The following MYO16 variants were observed in gnomAD, a reference collection of about 807,000 sequenced individuals.
MYO16 encodes unconventional myosin-XVI.
Under a neutral mutation model 205.3 loss-of-function variants are expected in MYO16, and 94 were observed. That is an observed-to-expected ratio of 0.46 (90% CI 0.39 to 0.54). The LOEUF (loss-of-function observed/expected upper bound fraction) is 0.54, where lower values mean the gene tolerates loss of function less well. Among genes scored for constraint, MYO16 ranks in the 20% least tolerant of loss-of-function variants. The pLI is 0.00. For synonymous variants in MYO16, 988 were observed against 954.0 expected, an observed-to-expected ratio of 1.04 and a Z score of -0.66; for missense variants, 2,315 against 2,387.5, an observed-to-expected ratio of 0.97 and a Z score of 0.63.
chr13:109,033,764 T>C (rs1886620790), intron 23 of MYO16, among the ~76,000 whole-genome samples: 1 of 152,152 alleles, frequency 6.6e-6, no homozygotes, highest in Admixed American at 6.6e-5. Context: ...AAGTTACCTC[T>C]GGACCCCAGG....
In MYO16 at chr13:108,631,804, G is replaced by A. The variant is rs992705443; in HGVS notation, c.28+1932G>A. ...AACAAAATATAGAAGAAGGCCGGGCGTGATGGCTCACGCTTGTAATCCCAG... is the reference window on the plus strand; with the variant it reads ...AACAAAATATAGAAGAAGGCCGGGCATGATGGCTCACGCTTGTAATCCCAG... On this transcript the variant is annotated intron_variant, in intron 1 of 34. Transcript: ENST00000457511. Among the ~76,000 whole-genome samples the A allele has an allele frequency of 5.3e-5, 8 of 152,166 alleles. No homozygotes were observed. In the East Asian group the frequency reaches 5.8e-4, roughly 11 times the overall value.
At chr13:108,757,922 G>A (rs544465324) in intron 4 of MYO16, among the ~76,000 whole-genome samples, 7 of 152,306 alleles carry the variant, frequency 4.6e-5, no homozygotes, top group African/African-American at 1.7e-4. Context: ...TGGTCTGAAT[G>A]TTTGTGTCCC....
At chr13:108,803,923 A>C (rs1887037334) in intron 6 of MYO16, among the ~76,000 whole-genome samples, 1 of 152,212 alleles carries the variant, frequency 6.6e-6, no homozygotes, top group Non-Finnish European at 1.5e-5. Flanking sequence ...TACAGAAATA[A>C]GAAAAAAATT....
At chr13:109,175,061 CT>C (rs1215267171) in intron 33 of MYO16, among the ~76,000 whole-genome samples, 2 of 152,034 alleles carry the variant, frequency 1.3e-5, no homozygotes, top group Non-Finnish European at 2.9e-5. Flanking sequence ...TCATTCTTTT[CT>C]TTTTATAAGA....
chr13:108,574,658 C>T, the MYO16 span, among the ~76,000 whole-genome samples: 6 of 141,338 alleles, frequency 4.2e-5, no homozygotes, highest in Non-Finnish European at 7.6e-5. Flanking sequence ...AGGGGGCCTA[C>T]CAATAACAAT....
the MYO16 span, among the ~76,000 whole-genome samples, chr13:108,530,136 G>A: frequency 9.2e-5 from 14 of 152,202 alleles, no homozygotes; most frequent in East Asian, 1.9e-3. Context: ...ACACTTCTGT[G>A]GATCCTTCCA....
chr13:109,013,957 A>G (rs9587744), intron 22 of MYO16, among the ~76,000 whole-genome samples: 2,604 of 151,070 alleles, frequency 0.017, 77 homozygotes, highest in African/African-American at 0.06. Flanking sequence ...CTGTGCAGAA[A>G]CTCTTTAGTT....
chr13:109,143,674 G>A (rs1429272146), intron 32 of MYO16, among the ~76,000 whole-genome samples: 1 of 152,190 alleles, frequency 6.6e-6, no homozygotes, highest in Non-Finnish European at 1.5e-5. Context: ...GAATTATAGT[G>A]AGCCCTCCAG....
At chr13:108,650,650 G>T (rs1325243827) in intron 1 of MYO16, among the ~76,000 whole-genome samples, 1 of 152,038 alleles carries the variant, frequency 6.6e-6, no homozygotes, top group Non-Finnish European at 1.5e-5. Context: ...TTCTCTTTTG[G>T]GATATAGCCT....
At chr13:109,068,705 C>T (rs1460367230) in intron 27 of MYO16, among the ~76,000 whole-genome samples, 1 of 151,884 alleles carries the variant, frequency 6.6e-6, no homozygotes, top group African/African-American at 2.4e-5. Flanking sequence ...TATTCTCCTG[C>T]CTCAGCCTCC....
intron 27 of MYO16, among the ~76,000 whole-genome samples, chr13:109,090,549 T>G (rs157035): frequency 0.28 from 42,212 of 151,884 alleles, 6,010 homozygotes; most frequent in African/African-American, 0.33. Context: ...CAAGAAGGGG[T>G]GGGCAGGAGT....
intron 4 of MYO16, among the ~76,000 whole-genome samples, chr13:108,761,662 C>T (rs1277750059): frequency 2.6e-5 from 4 of 152,120 alleles, no homozygotes; most frequent in Non-Finnish European, 5.9e-5. Flanking sequence ...TGACATTTGA[C>T]CTGAACATTA....
intron 5 of MYO16, among the ~76,000 whole-genome samples, chr13:108,788,999 G>C (rs959627874): frequency 7.2e-5 from 11 of 152,126 alleles, no homozygotes; most frequent in Admixed American, 2.0e-4. Context: ...TTGCTGGGTT[G>C]TCTCACCCTT....
At chr13:108,916,190 C>G (rs1008413081) in intron 16 of MYO16, among the ~76,000 whole-genome samples, 2 of 152,142 alleles carry the variant, frequency 1.3e-5, no homozygotes, top group African/African-American at 4.8e-5. Flanking sequence ...TTATTAATAA[C>G]CTAAGTGACA....
Position 109,179,537 on chromosome 13 carries a change from A to G in MYO16, c.5324-5A>G. On this transcript the variant is annotated splice_polypyrimidine_tract_variant and splice_region_variant and intron_variant, in intron 33 of 34. Coordinates refer to ENST00000457511, the MANE Select transcript of MYO16 (RefSeq NM_001198950.3). ...TTAACTCCCGATTTGTGTTGACCTC[A>G]ATAGGTTTACCTGAAGAAGATGGAT... The G allele has an allele frequency of 6.2e-7, 1 of 1,610,638 alleles. No individual in the cohort carries two copies. The highest frequency in any genetic ancestry group is 1.1e-5 in the South Asian group (1 of 90,972).
At chr13:108,736,425 G>C (rs1254000978) in intron 4 of MYO16, among the ~76,000 whole-genome samples, 1 of 152,042 alleles carries the variant, frequency 6.6e-6, no homozygotes, top group Non-Finnish European at 1.5e-5. Context: ...TCTTGTTTTT[G>C]TCAGGTTTGT....
chr13:108,508,490 C>T, the MYO16 span, among the ~76,000 whole-genome samples: 5 of 151,986 alleles, frequency 3.3e-5, no homozygotes, highest in Non-Finnish European at 4.4e-5. Context: ...GCAAGCCAAC[C>T]GTTCTCTTTT....
chr13:108,863,500 G>T (rs1878554664), intron 11 of MYO16, among the ~76,000 whole-genome samples: 1 of 151,862 alleles, frequency 6.6e-6, no homozygotes, highest in Non-Finnish European at 1.5e-5. Flanking sequence ...TACAATTATT[G>T]ATCTTCAATT....
intron 4 of MYO16, among the ~76,000 whole-genome samples, chr13:108,730,973 T>C (rs1884502619): frequency 6.6e-6 from 1 of 152,220 alleles, no homozygotes; most frequent in Admixed American, 6.5e-5. Context: ...ATATTATACT[T>C]GTTTAAATAA....
Sources: gnomAD v4.1 joint callset for allele counts (sites outside exome capture counted in the v4.1 genomes callset) on GRCh38, gnomAD v4.1.1 for gene constraint, MANE v1.5 for transcripts, NCBI Gene and HGNC (gene_info 2026-07-23, HGNC 2026-07-21) for gene names.